CSNK1A1: variants seen among roughly 807,000 people sequenced by gnomAD.
The protein encoded by CSNK1A1 is casein kinase 1 alpha 1.
CSNK1A1 carries 7 observed loss-of-function variants against 46.1 expected under a neutral mutation model. The ratio of observed to expected loss-of-function variants is 0.15; its 90% confidence interval spans 0.09 to 0.29. The LOEUF (loss-of-function observed/expected upper bound fraction) is 0.29. CSNK1A1 is among the 10% of genes least tolerant of loss of function. The pLI, the probability that CSNK1A1 is intolerant of heterozygous loss-of-function variation, is 1.00. For missense variants in CSNK1A1, 96 were observed against 417.1 expected (o/e 0.23, Z 6.71); for synonymous variants, 137 against 141.5 (o/e 0.97, Z 0.23).
At chr5:149,522,264 C>T (rs945765464) in intron 3 of CSNK1A1, among the ~76,000 whole-genome samples, 25 of 152,022 alleles carry the variant, frequency 1.6e-4, no homozygotes, top group African/African-American at 5.8e-4. Flanking sequence ...TGCGCGTTAC[C>T]ATGCCCAGCT....
chr5:149,549,329 A>G, intron 2 of CSNK1A1: 1 of 607,628 alleles, frequency 1.6e-6, no homozygotes, highest in Non-Finnish European at 3.1e-6. Flanking sequence ...TCACGAAAAG[A>G]AAGAGTAATT....
chr5:149,510,070 C>T, intron 6 of CSNK1A1, 117 bp from the exon 7 acceptor site: 1 of 668,558 alleles, frequency 1.5e-6, no homozygotes. Context: ...AATTTTAACC[C>T]AGAATTTAAA....
chr5:149,542,592 TTATATA>T (rs1160379269), intron 2 of CSNK1A1, among the ~76,000 whole-genome samples: 371 of 26,604 alleles, frequency 0.014, 6 homozygotes, highest in East Asian at 0.02. Flanking sequence ...AGATACAAAT[TTATATA>T]TATATATATA....
intron 4 of CSNK1A1, among the ~76,000 whole-genome samples, chr5:149,519,194 T>C (rs1009734849): frequency 6.6e-6 from 1 of 152,068 alleles, no homozygotes; most frequent in African/African-American, 2.4e-5. Context: ...CAGACCAACA[T>C]CAGTATCTCA....
At chr5:149,508,919 A>C (rs1348775928) in intron 7 of CSNK1A1, among the ~76,000 whole-genome samples, 1 of 152,074 alleles carries the variant, frequency 6.6e-6, no homozygotes, top group Non-Finnish European at 1.5e-5. Flanking sequence ...CTTATTTTTT[A>C]TTATTTTACT....
In CSNK1A1 at chr5:149,550,984, G is replaced by A. The variant is rs1190487342; in HGVS notation, c.-20C>T. The A allele has an allele frequency of 6.2e-7, 1 of 1,613,672 alleles. No homozygotes were observed. Among genetic ancestry groups the A allele is most frequent in the South Asian group, 1.1e-5 (1 of 91,078 alleles). ...CGCCATCCTGAGAGACGAAGATGGA[G>A]GCTGGGGCCAAGCCCCGACACCTCT... On this transcript the variant is annotated 5_prime_UTR_variant, in exon 1 of 10. Coordinates refer to ENST00000377843, the MANE Select transcript of CSNK1A1 (RefSeq NM_001892.6). This position sits in a 1 kb window ranked among gnomAD's most constrained non-coding sequence, Gnocchi z 4.3.
At chr5:149,535,907 A>G (rs1459214662) in intron 2 of CSNK1A1, among the ~76,000 whole-genome samples, 1 of 151,970 alleles carries the variant, frequency 6.6e-6, no homozygotes, top group East Asian at 1.9e-4. Context: ...CAGCCTCCCA[A>G]CGTGCTGAGA....
intron 9 of CSNK1A1, chr5:149,499,006 C>A (rs1447994000): frequency 1.0e-6 from 1 of 985,288 alleles, no homozygotes; most frequent in African/African-American, 1.7e-5. Flanking sequence ...GCAGTCAAAT[C>A]CAGCTTTAAC....
chr5:149,543,257 G>A (rs1356986904), intron 2 of CSNK1A1, among the ~76,000 whole-genome samples: 1 of 152,136 alleles, frequency 6.6e-6, no homozygotes, highest in Non-Finnish European at 1.5e-5. Context: ...ATTCTCAGAA[G>A]AACTGGAAGT....
chr5:149,534,482 C>CAAAAAA (rs10597922), intron 2 of CSNK1A1, among the ~76,000 whole-genome samples: 24 of 94,984 alleles, frequency 2.5e-4, no homozygotes, highest in African/African-American at 9.7e-4. Flanking sequence ...GACTCTGTCT[C>CAAAAAA]AAAAAAAAAA....
intron 2 of CSNK1A1, among the ~76,000 whole-genome samples, chr5:149,534,536 G>T (rs567486916): frequency 1.3e-5 from 2 of 150,380 alleles, no homozygotes; most frequent in Admixed American, 1.3e-4. Context: ...GTTAGCACCT[G>T]GGCTAAATTT....
At chr5:149,542,542 C>G (rs1351061971) in intron 2 of CSNK1A1, among the ~76,000 whole-genome samples, 1 of 123,894 alleles carries the variant, frequency 8.1e-6, no homozygotes. Flanking sequence ...AAGGAATAAC[C>G]CACATACTTT....
Position 149,539,072 on chromosome 5 carries a change from T to C in CSNK1A1, c.230+11003A>G, listed in dbSNP as rs563137953. On this transcript the variant is annotated intron_variant, in intron 2 of 9. Coordinates refer to ENST00000377843, the MANE Select transcript of CSNK1A1 (RefSeq NM_001892.6). ...TTCAAGGAGTTTCTAGAATGCATTATTGTAGGAATGCATCTGAAACATGTG... is the reference window on the plus strand; with the variant it reads ...TTCAAGGAGTTTCTAGAATGCATTACTGTAGGAATGCATCTGAAACATGTG... Among the ~76,000 whole-genome samples, 89 of 152,344 alleles carry C rather than the reference T, an allele frequency of 5.8e-4. No homozygotes were observed. In the South Asian group the frequency reaches 6.0e-3, roughly 10 times the overall value.
intron 2 of CSNK1A1, among the ~76,000 whole-genome samples, chr5:149,530,402 T>C (rs2113141091): frequency 6.6e-6 from 1 of 152,344 alleles, no homozygotes; most frequent in South Asian, 2.1e-4. Flanking sequence ...AAAAAGTCGT[T>C]TGCCAATCTT....
intron 3 of CSNK1A1, among the ~76,000 whole-genome samples, chr5:149,524,389 A>C (rs767957188): frequency 2.9e-4 from 44 of 152,190 alleles, no homozygotes; most frequent in Non-Finnish European, 8.8e-5. Flanking sequence ...ACCAATCATT[A>C]CCTTAATGTA....
chr5:149,505,629 T>C, intron 8 of CSNK1A1, 34 bp from the exon 9 acceptor site: 2 of 1,577,366 alleles, frequency 1.3e-6, no homozygotes, highest in Non-Finnish European at 1.7e-6. Flanking sequence ...GTTAATCCTT[T>C]AATAACAGAG....
chr5:149,530,528 T>C (rs1761859889), intron 2 of CSNK1A1, among the ~76,000 whole-genome samples: 1 of 152,220 alleles, frequency 6.6e-6, no homozygotes, highest in South Asian at 2.1e-4. Flanking sequence ...ATACTGTCTC[T>C]CAAACTTAGT....
At position 149,493,591 on chromosome 5, in the gene CSNK1A1, C is replaced by T. The variant is rs1229031823; in HGVS notation, c.*3262G>A. 5 of 151,222 alleles carry T rather than the reference C, an allele frequency of 3.3e-5. No individual in the cohort carries two copies. The highest frequency in any genetic ancestry group is 2.1e-4 in the South Asian group (1 of 4,788). The allele number at this position is 151,222 out of a possible 1,614,324, so 9.4% of individuals were successfully genotyped here. A position where few individuals can be genotyped will look rare whatever the true frequency, so the allele number is the denominator to read the frequency against. ...TTAGATCAATTTACACTTGGTTCAT[C>T]GCCATCTTTGGCTGTTTCAAACATA... On this transcript the variant is annotated 3_prime_UTR_variant, in exon 10 of 10. Transcript: ENST00000377843.
At chr5:149,546,395 G>A (rs1255164894) in intron 2 of CSNK1A1, among the ~76,000 whole-genome samples, 1 of 151,978 alleles carries the variant, frequency 6.6e-6, no homozygotes, top group East Asian at 1.9e-4. Flanking sequence ...AGCACTTTGA[G>A]AGGCCGAGGC....
Sources: gnomAD v4.1 joint callset for allele counts (sites outside exome capture counted in the v4.1 genomes callset) on GRCh38, gnomAD v4.1.1 for gene constraint, Gnocchi (gnomAD v3.1) non-coding constraint, MANE v1.5 for transcripts, NCBI Gene and HGNC (gene_info 2026-07-23, HGNC 2026-07-21) for gene names.